Variants in HEATR1 observed in about 807,000 individuals in gnomAD.
HEATR1 encodes the protein HEAT repeat-containing protein 1.
Under a neutral mutation model 248.2 loss-of-function variants are expected in HEATR1, and 77 were observed. That is an observed-to-expected ratio of 0.31 (90% CI 0.26 to 0.37). HEATR1 has a LOEUF of 0.37. HEATR1 is among the 10% of genes least tolerant of loss of function. The probability of loss-of-function intolerance (pLI) is 1.00; values close to 1 mark genes in which losing one functional copy is unlikely to be tolerated. For missense variants in HEATR1, 2,420 were observed against 2,504.9 expected (o/e 0.97, Z 0.72); for synonymous variants, 897 against 923.1 (o/e 0.97, Z 0.51).
In HEATR1 at chr1:236,604,217, T is replaced by C. The variant is rs1264988317; in HGVS notation, c.-32-90A>G. The stretch of plus-strand genomic sequence containing the variant: ...TTCTCTTCTGCACTCAGCACCGTCA[T>C]GGACACACAACGCGGGTGTCCTGAG... On this transcript the variant is annotated intron_variant, in intron 1 of 44. Transcript: ENST00000366582. 6 of 1,036,560 alleles carry C rather than the reference T, an allele frequency of 5.8e-6. 1 individual carries two copies. Among genetic ancestry groups the C allele is most frequent in the Middle Eastern group, 6.4e-4 (2 of 3,142 alleles). 64.2% of individuals were successfully genotyped at this position (1,036,560 alleles called of 1,614,324 possible). A position where few individuals can be genotyped will look rare whatever the true frequency, so the allele number is the denominator to read the frequency against.
intron 32 of HEATR1, among the ~76,000 whole-genome samples, chr1:236,563,468 G>C (rs1437211982): frequency 2.6e-5 from 4 of 151,816 alleles, no homozygotes; most frequent in Non-Finnish European, 4.4e-5. Flanking sequence ...TTTTTTAGTA[G>C]AGACCATGTT....
At chr1:236,601,130 A>G (rs189154950) in intron 3 of HEATR1, among the ~76,000 whole-genome samples, 1 of 152,274 alleles carries the variant, frequency 6.6e-6, no homozygotes, top group East Asian at 1.9e-4. Context: ...CAGACTTTTA[A>G]ATATTCTTTG....
chr1:236,558,378 G>A lies in HEATR1; in HGVS notation c.5063C>T (p.Pro1688Leu), dbSNP rs1663033820. 1 of 1,614,174 alleles carries A rather than the reference G, an allele frequency of 6.2e-7. No individual in the cohort carries two copies. Among genetic ancestry groups the A allele is most frequent in the Non-Finnish European group, 8.5e-7 (1 of 1,180,026 alleles). The change falls in exon 36 of 45, where the codon CCT becomes CTT. Residue 1688 changes from proline to leucine, a missense_variant. Pro to Leu is a moderately conservative substitution (Grantham distance 98). Transcript: ENST00000366582. Reference protein sequence around the residue: ...CKNFGAENPDPFVPVLNTAVK... With the variant: ...CKNFGAENPDLFVPVLNTAVK... ...AGCAGTGTTCAGCACTGGGACAAAA[G>A]GATCTGGATTTTCTGCACCAAAATT...
At chr1:236,593,352 A>G (rs1263020037) in intron 9 of HEATR1, among the ~76,000 whole-genome samples, 1 of 152,128 alleles carries the variant, frequency 6.6e-6, no homozygotes, top group Non-Finnish European at 1.5e-5. Context: ...TGTTCTCAAC[A>G]TTACTACACG....
At chr1:236,592,165 T>C (rs1205930817) in intron 10 of HEATR1, 55 bp from the exon 11 acceptor site, 6 of 860,512 alleles carry the variant, frequency 7.0e-6, no homozygotes, top group African/African-American at 6.8e-5. Flanking sequence ...ATTAATCTCA[T>C]ACACCATACA....
At chr1:236,560,279 G>A (rs1021817207) in intron 33 of HEATR1, among the ~76,000 whole-genome samples, 18 of 151,960 alleles carry the variant, frequency 1.2e-4, no homozygotes, top group Admixed American at 1.0e-3. Flanking sequence ...TTTATATAAA[G>A]AGAAATATTA....
In HEATR1 at chr1:236,587,409, C is replaced by T. The variant is rs56242514; in HGVS notation, c.1708G>A (p.Gly570Arg). 29,146 of 1,488,322 alleles carry T rather than the reference C, an allele frequency of 0.02. 373 individuals are homozygous for T. Among genetic ancestry groups the T allele is most frequent in the Middle Eastern group, 0.042 (198 of 4,734 alleles). 92.2% of individuals were successfully genotyped at this position (1,488,322 alleles called of 1,614,324 possible). ...LFQRAELSKN[G>R]EWYEVLKIAA... The stretch of plus-strand genomic sequence containing the variant: ...GGAGAAATGAATACATACCATTCTC[C>T]ATTCTTTGAAAGTTCTGCTCTTTGA... The change falls in exon 14 of 45, where the codon GGA becomes AGA. Residue 570 changes from glycine (G) to arginine (R), a missense_variant. Gly to Arg is a moderately radical substitution (Grantham distance 125). Transcript: ENST00000366582.
At chr1:236,567,015 C>T (rs1663290239) in intron 29 of HEATR1, 139 bp from the exon 30 acceptor site, 2 of 626,496 alleles carry the variant, frequency 3.2e-6, no homozygotes, top group Admixed American at 2.8e-5. Flanking sequence ...GAGACAGGGT[C>T]TTTCTCCATG....
chr1:236,576,656 C>A, intron 21 of HEATR1, 124 bp downstream of exon 21: 1 of 843,542 alleles, frequency 1.2e-6, no homozygotes. Flanking sequence ...ATTGACCTAT[C>A]AGTTCCTAAA....
intron 32 of HEATR1, among the ~76,000 whole-genome samples, chr1:236,563,701 A>C (rs1281445318): frequency 6.6e-6 from 1 of 152,224 alleles, no homozygotes; most frequent in East Asian, 1.9e-4. Context: ...CTCTAATGTC[A>C]AACCATTTTT....
At position 236,583,199 on chromosome 1, in the gene HEATR1, G is replaced by A. The variant is rs2103143532; in HGVS notation, c.2242-3C>T. The A allele has an allele frequency of 1.3e-6, 2 of 1,583,544 alleles. No homozygotes were observed. Among genetic ancestry groups the A allele is most frequent in the East Asian group, 2.2e-5 (1 of 44,506 alleles). On this transcript the variant is annotated splice_polypyrimidine_tract_variant and splice_region_variant and intron_variant, in intron 17 of 44. Coordinates refer to ENST00000366582, the MANE Select transcript of HEATR1 (RefSeq NM_018072.6). ...ATGTGCCATTCTGAGGGGATTTCCT[G>A]AAATGTTAAAGGAAACAAAAACTAG...
chr1:236,594,909 C>T (rs61049849), intron 8 of HEATR1, among the ~76,000 whole-genome samples: 9,181 of 152,146 alleles, frequency 0.06, 416 homozygotes, highest in East Asian at 0.24. Flanking sequence ...GGTGATCCTC[C>T]CACCTCAGTC....
At position 236,565,906 on chromosome 1, in the gene HEATR1, G is replaced by A. The variant is rs763835329; in HGVS notation, c.4435+13C>T. On this transcript the variant is annotated intron_variant, in intron 31 of 44. Coordinates refer to ENST00000366582, the MANE Select transcript of HEATR1 (RefSeq NM_018072.6). The stretch of plus-strand genomic sequence containing the variant: ...TCAGATTGAACAGTAAGTGACACCC[G>A]ATCTACGCTTACCTTCTTTTTCCTC... 6.2e-7 allele frequency: 1 copy of A among 1,610,384 alleles called. No homozygotes were observed. Among genetic ancestry groups the A allele is most frequent in the East Asian group, 2.2e-5 (1 of 44,806 alleles).
At chr1:236,585,262 T>C (rs1663855280) in intron 16 of HEATR1, 46 bp from the exon 17 acceptor site, 2 of 1,529,130 alleles carry the variant, frequency 1.3e-6, no homozygotes, top group African/African-American at 2.8e-5. Flanking sequence ...TTGATTTTCA[T>C]AAAACAATTT....
rs756806609 is a variant in HEATR1 at position 236,581,423 on chromosome 1, A to G, written c.2563-9T>C. 2.1e-6 allele frequency: 3 copies of G among 1,429,010 alleles called. No individual in the cohort carries two copies. Among genetic ancestry groups the G allele is most frequent in the South Asian group, 3.0e-5 (2 of 67,222 alleles). 88.5% of individuals were successfully genotyped at this position (1,429,010 alleles called of 1,614,324 possible). A position where few individuals can be genotyped will look rare whatever the true frequency, so the allele number is the denominator to read the frequency against. ...ACATCTTCTAGATGCACCTAATTAA[A>G]AAAAAAAAAAAGCAAACTTTTAATT... On this transcript the variant is annotated splice_polypyrimidine_tract_variant and intron_variant, in intron 19 of 44. Coordinates refer to ENST00000366582, the MANE Select transcript of HEATR1 (RefSeq NM_018072.6).
rs574954393 is a variant in HEATR1, at chr1:236,581,421, A to T, written c.2563-7T>A. ...AAACATCTTCTAGATGCACCTAATT[A>T]AAAAAAAAAAAAAGCAAACTTTTAA... is the stretch of plus-strand genomic sequence containing the variant. On this transcript the variant is annotated splice_polypyrimidine_tract_variant and splice_region_variant and intron_variant, in intron 19 of 44. Coordinates refer to ENST00000366582, the MANE Select transcript of HEATR1 (RefSeq NM_018072.6). 2.9e-4 allele frequency: 76 copies of T among 259,294 alleles called. 2 individuals are homozygous for T. In the South Asian group the frequency reaches 5.5e-3, roughly 19 times the overall value. 16.1% of individuals were successfully genotyped at this position (259,294 alleles called of 1,614,324 possible).
At chr1:236,572,111 A>G (rs1663444933) in intron 26 of HEATR1, among the ~76,000 whole-genome samples, 1 of 152,198 alleles carries the variant, frequency 6.6e-6, no homozygotes, top group South Asian at 2.1e-4. Context: ...CTATATCTAT[A>G]TAAATTCAAC....
At chr1:236,559,503 C>T (rs577596902) in intron 34 of HEATR1, among the ~76,000 whole-genome samples, 3 of 152,158 alleles carry the variant, frequency 2.0e-5, no homozygotes, top group South Asian at 2.1e-4. Context: ...TTAAAATATA[C>T]GAGGTACATG....
At chr1:236,586,585 A>G in intron 14 of HEATR1, 133 bp from the exon 15 acceptor site, 1 of 587,376 alleles carries the variant, frequency 1.7e-6, no homozygotes, top group Non-Finnish European at 3.0e-6. Context: ...ATTCAGATAC[A>G]CTAAGACACC....
Sources: gnomAD v4.1 joint callset for allele counts (sites outside exome capture counted in the v4.1 genomes callset) on GRCh38, gnomAD v4.1.1 for gene constraint, MANE v1.5 for transcripts, NCBI Gene and HGNC (gene_info 2026-07-23, HGNC 2026-07-21) for gene names.